Variants in CPSF1 observed in about 807,000 individuals in gnomAD.
CPSF1 encodes the protein cleavage and polyadenylation specificity factor subunit 1.
A neutral mutation model predicts 175.8 loss-of-function variants in CPSF1; 106 were observed. That is an observed-to-expected ratio of 0.60 (90% CI 0.52 to 0.71). CPSF1 has a LOEUF of 0.71. Among genes scored for constraint, CPSF1 ranks in the 30% least tolerant of loss-of-function variants. The probability of loss-of-function intolerance (pLI) is 0.00; values close to 1 mark genes in which losing one functional copy is unlikely to be tolerated. For missense variants in CPSF1, 1,734 were observed against 2,022.9 expected, an observed-to-expected ratio of 0.86 and a Z score of 2.74; for synonymous variants, 1,024 against 858.3, an observed-to-expected ratio of 1.19 and a Z score of -3.37.
At chr8:144,395,727 C>T (rs1820683333) in intron 26 of CPSF1, 176 bp from the exon 27 acceptor site, 2 of 614,216 alleles carry the variant, frequency 3.3e-6, no homozygotes, top group Non-Finnish European at 5.8e-6. Flanking sequence ...GCCTCTGGGG[C>T]TCCTCCTGTC....
chr8:144,403,154 T>C (rs1821310943), intron 2 of CPSF1, among the ~76,000 whole-genome samples: 1 of 150,878 alleles, frequency 6.6e-6, no homozygotes, highest in Non-Finnish European at 1.5e-5. Context: ...TGGAGTGCAA[T>C]GGTGTGATTT....
Position 144,397,834 on chromosome 8 carries a change from T to C in CPSF1, c.2119A>G (p.Met707Val). The stretch of plus-strand genomic sequence containing the variant: ...CCCAGGCGGCTCTCAGTGGTGAACA[T>C]GCCGCTGAGGTCTCGGTACAGGCAC... ...TLCLYRDLSG[M>V]FTTESRLGGA... Residue 707 changes from methionine (M) to valine (V), a missense_variant, in exon 21 of 38, where the codon ATG (methionine) becomes GTG (valine). Met to Val is a conservative substitution (Grantham distance 21). Around this residue, in one of 10 missense-constraint regions of CPSF1, gnomAD observed 585 missense variants for 584.7 expected, o/e 1.00. Transcript: ENST00000616140. 6.2e-7 allele frequency: 1 copy of C among 1,611,282 alleles called. No homozygotes were observed. Among genetic ancestry groups the C allele is most frequent in the Non-Finnish European group, 8.5e-7 (1 of 1,179,358 alleles).
Position 144,399,782 on chromosome 8 carries a change from C to G in CPSF1, c.1118G>C (p.Ser373Thr). 1.9e-6 allele frequency: 3 copies of G among 1,577,348 alleles called. No individual in the cohort carries two copies. Among genetic ancestry groups the G allele is most frequent in the Non-Finnish European group, 2.6e-6 (3 of 1,162,096 alleles). ...ACCCAACCCCTAGTCCCAACTCACGCTGGTGGTGAGGACGCTGGCGGCCGC... is the reference window on the plus strand; with the variant it reads ...ACCCAACCCCTAGTCCCAACTCACGGTGGTGGTGAGGACGCTGGCGGCCGC... ...DKAAASVLTT[S>T]MVTMEPGYLF... The change falls in exon 11 of 38, where the codon AGC becomes ACC. Residue 373 changes from serine to threonine, a missense_variant and splice_region_variant. Ser to Thr is a moderately conservative substitution (Grantham distance 58, BLOSUM62 1). Transcript: ENST00000616140. The surrounding 1 kb of genome is among the most constrained non-coding windows in gnomAD (Gnocchi z 6.4).
At chr8:144,396,953 G>A (rs782661816) in intron 23 of CPSF1, 24 bp from the exon 24 acceptor site, 25 of 1,566,810 alleles carry the variant, frequency 1.6e-5, no homozygotes, top group East Asian at 1.6e-4. Context: ...GGGAGCCATG[G>A]GGGAACGGGC....
chr8:144,395,779 G>A (rs918888293), intron 26 of CPSF1: 4 of 590,448 alleles, frequency 6.8e-6, no homozygotes, highest in African/African-American at 3.7e-5. Context: ...GCTGGCCACA[G>A]GGGATGGGAA....
chr8:144,395,823 G>C, intron 26 of CPSF1: 1 of 560,150 alleles, frequency 1.8e-6, no homozygotes, highest in South Asian at 2.1e-5. Flanking sequence ...GGCTGCAAAG[G>C]GCAGCCCACA....
chr8:144,396,970 A>ATGG (rs782094371), intron 23 of CPSF1, 41 bp from the exon 24 acceptor site: 7 of 1,447,364 alleles, frequency 4.8e-6, no homozygotes, highest in Middle Eastern at 1.7e-4. Context: ...GGGCAGGGCC[A>ATGG]TGGAGAACAT....
In CPSF1 at chr8:144,393,598, G is replaced by A. The variant is rs782795245; in HGVS notation, c.4146-8C>T. 6.2e-6 allele frequency: 10 copies of A among 1,601,428 alleles called. No individual in the cohort carries two copies. Among genetic ancestry groups the A allele is most frequent in the Admixed American group, 1.7e-5 (1 of 58,616 alleles). On this transcript the variant is annotated splice_region_variant and splice_polypyrimidine_tract_variant and intron_variant, in intron 36 of 37. Coordinates refer to ENST00000616140, the MANE Select transcript of CPSF1 (RefSeq NM_013291.3). ...CGGTCCACGTGCAGCATCCTGGGGC[G>A]TACAGGCACAGGTGTCAGGGCAGGC...
Position 144,395,316 on chromosome 8 carries a change from G to T in CPSF1, c.3136C>A (p.Arg1046Ser). Residue 1046 changes from arginine to serine, a missense_variant, in exon 28 of 38, where the codon CGC (arginine) becomes AGC (serine). Transcript: ENST00000616140. ...VATSTNTPCA[R>S]IPRMTGEEKE... ...TCCTCGCCAGTCATGCGTGGGATGC[G>T]GGCACACGGCGTGTTGGTGCTGGTG... The T allele has an allele frequency of 1.4e-5, 22 of 1,613,464 alleles. No individual in the cohort carries two copies. Among genetic ancestry groups the T allele is most frequent in the Non-Finnish European group, 1.9e-5 (22 of 1,179,960 alleles).
In CPSF1 at chr8:144,398,800, G is replaced by A. The variant is rs2116855124; in HGVS notation, c.1617C>T (p.Ile539=). The part of the protein sequence containing the change: ...LPGCYDMWTV[I]APVRKEEEDN... ...CTACCTCCTCCTTACGCACCGGGGCGATGACTGTCCACATGTCATAGCAGC... is the reference window on the plus strand; with the variant it reads ...CTACCTCCTCCTTACGCACCGGGGCAATGACTGTCCACATGTCATAGCAGC... The change falls in exon 17 of 38, where the codon ATC becomes ATT. Residue 539 remains isoleucine, a synonymous_variant. Transcript: ENST00000616140. The A allele has an allele frequency of 5.1e-5, 82 of 1,604,160 alleles. No homozygotes were observed. The South Asian group carries it at 5.3e-4, about 10-fold the overall frequency.
At chr8:144,397,905 G>A (rs782582250) in intron 20 of CPSF1, 26 bp from the exon 21 acceptor site, 20 of 1,598,608 alleles carry the variant, frequency 1.3e-5, no homozygotes, top group South Asian at 5.5e-5. Context: ...TGGGCTCAGC[G>A]GCGGGCAAGG....
At chr8:144,403,053 G>A (rs2116893337) in intron 2 of CPSF1, among the ~76,000 whole-genome samples, 3 of 152,040 alleles carry the variant, frequency 2.0e-5, no homozygotes, top group South Asian at 2.1e-4. Context: ...ATCTGATAAA[G>A]GCATTCGTGA....
chr8:144,400,134 G>GCA lies in CPSF1; in HGVS notation c.937+31_937+32insTG, dbSNP rs782373475. 6.1e-4 allele frequency: 589 copies of GCA among 966,466 alleles called. 18 individuals carry two copies. The highest frequency in any genetic ancestry group is 2.1e-3 in the East Asian group (72 of 34,890). The allele number at this position is 966,466 out of a possible 1,614,324, so 59.9% of individuals were successfully genotyped here. On this transcript the variant is annotated intron_variant, in intron 9 of 37. Coordinates refer to ENST00000616140, the MANE Select transcript of CPSF1 (RefSeq NM_013291.3). Reference sequence around the variant, plus strand: ...ACTAGGCAGGCCCAAGCCGTCCCCGGGCCCCCCCCGCCCCAGCCACCCCAC... The same window carrying GCA: ...ACTAGGCAGGCCCAAGCCGTCCCCGGCAGCCCCCCCCGCCCCAGCCACCCCAC...
At position 144,399,861 on chromosome 8, in the gene CPSF1, G is replaced by A. The variant is rs2116867063; in HGVS notation, c.1039C>T (p.Leu347=). ...ISLKGGEIYV[L]TLITDGMRSV... ...CGCATGCCGTCGGTGATGAGGGTCA[G>A]CACGTAGCTGGGGGCAGGGAGAATT... The change falls in exon 11 of 38, where the codon CTG becomes TTG. Residue 347 remains leucine (L), a synonymous_variant. Transcript: ENST00000616140. The surrounding 1 kb of genome is among the most constrained non-coding windows in gnomAD (Gnocchi z 6.4). The A allele has an allele frequency of 6.4e-7, 1 of 1,554,476 alleles. No individual in the cohort carries two copies. Among genetic ancestry groups the A allele is most frequent in the Admixed American group, 2.0e-5 (1 of 51,260 alleles).
Position 144,399,817 on chromosome 8 carries a change from G to A in CPSF1, c.1083C>T (p.His361=), listed in dbSNP as rs1020086284. Residue 361 remains histidine (H), a synonymous_variant, in exon 11 of 38, where the codon CAC becomes CAT. Coordinates refer to ENST00000616140, the MANE Select transcript of CPSF1 (RefSeq NM_013291.3). The surrounding 1 kb of genome is among the most constrained non-coding windows in gnomAD (Gnocchi z 6.4). ...GGACGCTGGCGGCCGCCTTGTCAAA[G>A]TGGAACGCTCGGACACTGCGCATGC... ...TDGMRSVRAF[H]FDKAAASVLT... 3.2e-6 allele frequency: 5 copies of A among 1,558,984 alleles called. No homozygotes were observed. Among genetic ancestry groups the A allele is most frequent in the Middle Eastern group, 1.7e-4 (1 of 6,002 alleles).
Position 144,399,618 on chromosome 8 carries a change from C to G in CPSF1, c.1212G>C (p.Pro404=). Residue 404 remains proline, a synonymous_variant, in exon 12 of 38, where the codon CCG becomes CCC. Transcript: ENST00000616140. The surrounding 1 kb of genome is among the most constrained non-coding windows in gnomAD (Gnocchi z 6.4). ...CGGCAGCCTCACGGACAGCACTGGC[C>G]GGGGGCTCCTGCAGCTTCTCCGTGT... is the stretch of plus-strand genomic sequence containing the variant. The part of the protein sequence containing the change: ...LKYTEKLQEP[P]ASAVREAADK... 1 of 1,610,698 alleles carries G rather than the reference C, an allele frequency of 6.2e-7. No individual in the cohort carries two copies. Among genetic ancestry groups the G allele is most frequent in the Non-Finnish European group, 8.5e-7 (1 of 1,178,820 alleles).
Position 144,394,180 on chromosome 8 carries a change from G to A in CPSF1, c.3812-20C>T, listed in dbSNP as rs1179840180. 6.2e-7 allele frequency: 1 copy of A among 1,612,412 alleles called. No individual in the cohort carries two copies. The highest frequency in any genetic ancestry group is 8.5e-7 in the Non-Finnish European group (1 of 1,179,862). On this transcript the variant is annotated intron_variant, in intron 33 of 37. Coordinates refer to ENST00000616140, the MANE Select transcript of CPSF1 (RefSeq NM_013291.3). The stretch of plus-strand genomic sequence containing the variant: ...CAGACACTGGGGAGCAGAGGCCCAG[G>A]GTCAGCCCCGGCCACCCCCAGAGCC...
rs1554865333 is a variant in CPSF1, at chr8:144,399,050, T to G, written c.1468-12A>C. ...GGGCTGTTCTGAAACTGCACAGGAC[T>G]CGGGGGTGAGGACTATGCCCCCCAC... On this transcript the variant is annotated splice_polypyrimidine_tract_variant and intron_variant, in intron 15 of 37. Transcript: ENST00000616140. The surrounding 1 kb of genome is among the most constrained non-coding windows in gnomAD (Gnocchi z 6.4). 1.3e-6 allele frequency: 2 copies of G among 1,575,086 alleles called. No homozygotes were observed. The highest frequency in any genetic ancestry group is 3.7e-5 in the Admixed American group (2 of 54,282).
Position 144,394,029 on chromosome 8 carries a change from C to T in CPSF1, c.3869G>A (p.Ser1290Asn), listed in dbSNP as rs199576680. 1 of 1,611,216 alleles carries T rather than the reference C, an allele frequency of 6.2e-7. No homozygotes were observed. Among genetic ancestry groups the T allele is most frequent in the East Asian group, 2.2e-5 (1 of 44,786 alleles). Reference protein sequence around the residue: ...VYMYLPEAKESFGGMRLLRRA... With the variant: ...VYMYLPEAKENFGGMRLLRRA... ...ACGCAGCAGGCGCATGCCCCCGAAACTCTCCTTGGCTAGACCAGAAAGGCC... is the reference window on the plus strand; with the variant it reads ...ACGCAGCAGGCGCATGCCCCCGAAATTCTCCTTGGCTAGACCAGAAAGGCC... Residue 1290 changes from serine (S) to asparagine (N), a missense_variant, in exon 35 of 38, where the codon AGT becomes AAT. Physicochemically the swap from Ser to Asn is conservative, Grantham distance 46 (BLOSUM62 1). This residue lies in a region of CPSF1 where 323 missense variants were observed against 338.5 expected (regional missense o/e 0.95). Coordinates refer to ENST00000616140, the MANE Select transcript of CPSF1 (RefSeq NM_013291.3).
Sources: gnomAD v4.1 joint callset for allele counts (sites outside exome capture counted in the v4.1 genomes callset) on GRCh38, gnomAD v4.1.1 for gene constraint, gnomAD v4.1.1 regional missense constraint, Gnocchi (gnomAD v3.1) non-coding constraint, MANE v1.5 for transcripts, NCBI Gene and HGNC (gene_info 2026-07-23, HGNC 2026-07-21) for gene names.